Variants in IL1RAPL2 observed in about 807,000 individuals in gnomAD.
IL1RAPL2 encodes interleukin 1 receptor accessory protein like 2.
IL1RAPL2 carries 3 observed loss-of-function variants against 44.1 expected under a neutral mutation model. That is an observed-to-expected ratio of 0.07 (90% CI 0.03 to 0.18). The LOEUF (loss-of-function observed/expected upper bound fraction) is 0.18, where lower values mean the gene tolerates loss of function less well. Among genes scored for constraint, IL1RAPL2 ranks in the 10% least tolerant of loss-of-function variants. IL1RAPL2 has a pLI of 1.00. For synonymous variants in IL1RAPL2, 181 were observed against 178.8 expected (o/e 1.01, Z -0.10); for missense variants, 391 against 496.4 (o/e 0.79, Z 2.02).
At chrX:105,143,639 T>A (rs971974639) in intron 2 of IL1RAPL2, among the ~76,000 whole-genome samples, 2 of 112,399 alleles carry the variant, frequency 1.8e-5, no homozygotes, top group Non-Finnish European at 3.8e-5. Context: ...TAAAGACACA[T>A]GCACACGTAT....
chrX:104,785,100 C>T (rs1368533677), intron 2 of IL1RAPL2, among the ~76,000 whole-genome samples: 1 of 110,316 alleles, frequency 9.1e-6, no homozygotes, highest in Non-Finnish European at 1.9e-5. Context: ...CAACCTCAAC[C>T]TCCCGGGCTC....
chrX:105,383,095 T>G, intron 5 of IL1RAPL2, among the ~76,000 whole-genome samples: 1 of 109,305 alleles, frequency 9.1e-6, no homozygotes, highest in East Asian at 2.9e-4. Context: ...GTTGTGCACA[T>G]GTACCCTTAA....
rs149723405 is a variant in IL1RAPL2 at position 105,326,470 on chromosome X, A to G, written c.697+58929A>G. On this transcript the variant is annotated intron_variant, in intron 5 of 10. Coordinates refer to ENST00000372582, the MANE Select transcript of IL1RAPL2 (RefSeq NM_017416.2). ...TTGCTTGCGTGTTGTTGTCTTACCTACAAAATCTTTGTCTAACCCAATATT... is the reference window on the plus strand; with the variant it reads ...TTGCTTGCGTGTTGTTGTCTTACCTGCAAAATCTTTGTCTAACCCAATATT... 4.7e-4 allele frequency among the ~76,000 whole-genome samples: 52 copies of G among 111,558 alleles called. 2 individuals carry two copies. The East Asian group carries it at 0.015, about 32-fold the overall frequency.
intron 2 of IL1RAPL2, among the ~76,000 whole-genome samples, chrX:105,143,295 G>A (rs1248395640): frequency 9.0e-6 from 1 of 111,701 alleles, no homozygotes; most frequent in Non-Finnish European, 1.9e-5. Context: ...GATATGAACA[G>A]ACACTTCTCA....
chrX:104,708,097 C>A (rs887848771), intron 2 of IL1RAPL2, among the ~76,000 whole-genome samples: 12 of 111,693 alleles, frequency 1.1e-4, no homozygotes, highest in African/African-American at 3.9e-4. Flanking sequence ...TTGCCACTTG[C>A]AGCTCTGCAA....
chrX:105,135,026 C>T (rs1298695395), intron 2 of IL1RAPL2, among the ~76,000 whole-genome samples: 3 of 99,584 alleles, frequency 3.0e-5, no homozygotes, highest in African/African-American at 4.0e-5. Context: ...AAAGCCATAT[C>T]TTACTTGGAT....
intron 9 of IL1RAPL2, among the ~76,000 whole-genome samples, chrX:105,751,576 T>C (rs750260439): frequency 2.7e-5 from 3 of 111,839 alleles, no homozygotes; most frequent in Admixed American, 1.9e-4. Context: ...TCCAGTAATA[T>C]AGAGCATTTT....
intron 2 of IL1RAPL2, among the ~76,000 whole-genome samples, chrX:105,080,094 A>T (rs2032381590): frequency 8.9e-6 from 1 of 112,080 alleles, no homozygotes. Flanking sequence ...TCTGGATATT[A>T]GCCCTTTGTA....
At chrX:104,567,721 C>A (rs1451967416) in intron 1 of IL1RAPL2, among the ~76,000 whole-genome samples, 1 of 112,285 alleles carries the variant, frequency 8.9e-6, no homozygotes, top group Admixed American at 9.4e-5. Context: ...CGCCAAATTG[C>A]GCTTCAGACT....
At chrX:105,086,704 ATGTGTG>A (rs10536420) in intron 2 of IL1RAPL2, among the ~76,000 whole-genome samples, 9 of 104,314 alleles carry the variant, frequency 8.6e-5, no homozygotes, top group South Asian at 4.3e-4. Context: ...TTGTATATAT[ATGTGTG>A]TGTGTGTGTG....
At chrX:104,805,501 G>C (rs1171702265) in intron 2 of IL1RAPL2, among the ~76,000 whole-genome samples, 1 of 111,641 alleles carries the variant, frequency 9.0e-6, no homozygotes, top group East Asian at 2.8e-4. Flanking sequence ...GAAATGAAAT[G>C]AGTGTAGTGG....
In IL1RAPL2 at chrX:104,714,996, C is replaced by G. The variant is rs142847367; in HGVS notation, c.82+56001C>G. Among the ~76,000 whole-genome samples, 56 of 111,123 alleles carry G rather than the reference C, an allele frequency of 5.0e-4. No homozygotes were observed. In the East Asian group the frequency reaches 0.015, roughly 29 times the overall value. ...GTAACAGAATGATGCTGACATCATG[C>G]AATGAGTTGGGTAGGAGTCCCTTTT... On this transcript the variant is annotated intron_variant, in intron 2 of 10. Coordinates refer to ENST00000372582, the MANE Select transcript of IL1RAPL2 (RefSeq NM_017416.2).
At chrX:105,730,625 TC>T (rs1246603825) in intron 7 of IL1RAPL2, among the ~76,000 whole-genome samples, 1 of 110,756 alleles carries the variant, frequency 9.0e-6, no homozygotes, top group African/African-American at 3.3e-5. Context: ...ACAAAACAAG[TC>T]TCAACAAATT....
intron 6 of IL1RAPL2, among the ~76,000 whole-genome samples, chrX:105,516,648 A>C (rs1799408711): frequency 8.9e-6 from 1 of 112,193 alleles, no homozygotes; most frequent in African/African-American, 3.2e-5. Flanking sequence ...TTAGAGTGTC[A>C]TGCACATAGG....
chrX:105,551,898 G>T (rs1013512954), intron 6 of IL1RAPL2, among the ~76,000 whole-genome samples: 1 of 111,191 alleles, frequency 9.0e-6, no homozygotes, highest in African/African-American at 3.3e-5. Flanking sequence ...AAGGTCAGGA[G>T]ATCGAGACCA....
At chrX:105,289,317 T>C (rs1454191371) in intron 5 of IL1RAPL2, among the ~76,000 whole-genome samples, 1 of 110,701 alleles carries the variant, frequency 9.0e-6, no homozygotes, top group East Asian at 2.8e-4. Context: ...CACTCTTAGA[T>C]GGAAAGCCAT....
At chrX:105,047,899 TG>T (rs953362711) in intron 2 of IL1RAPL2, among the ~76,000 whole-genome samples, 2 of 111,682 alleles carry the variant, frequency 1.8e-5, no homozygotes, top group Non-Finnish European at 1.9e-5. Context: ...AAACTCCTTC[TG>T]GGAGTCAGTA....
At chrX:104,802,365 C>A (rs866988446) in intron 2 of IL1RAPL2, among the ~76,000 whole-genome samples, 11 of 100,518 alleles carry the variant, frequency 1.1e-4, no homozygotes, top group African/African-American at 1.1e-4. Context: ...AAAAACAAAA[C>A]AAATAAAAAA....
chrX:105,672,364 C>A (rs912960415), intron 6 of IL1RAPL2, among the ~76,000 whole-genome samples: 2 of 112,496 alleles, frequency 1.8e-5, no homozygotes, highest in African/African-American at 6.5e-5. Flanking sequence ...GTTCCCCACT[C>A]AGCTTCCACT....
Sources: allele counts gnomAD v4.1 joint callset (sites outside exome capture counted in the v4.1 genomes callset), GRCh38; gene constraint gnomAD v4.1.1; transcripts MANE v1.5; gene names NCBI Gene and HGNC (gene_info 2026-07-23, HGNC 2026-07-21).